The following MIR2052HG variants were observed in gnomAD, a reference collection of about 807,000 sequenced individuals.
The protein encoded by MIR2052HG is MIR2052 host gene.
intron 2 of MIR2052HG, among the ~76,000 whole-genome samples, chr8:74,657,384 T>G (rs1252367954): frequency 6.6e-6 from 1 of 152,166 alleles, no homozygotes; most frequent in Non-Finnish European, 1.5e-5. Context: ...TGACTCCTCA[T>G]TCCTCACACA....
At chr8:74,711,405 G>A (rs148316236) in intron 4 of MIR2052HG, among the ~76,000 whole-genome samples, 1 of 152,236 alleles carries the variant, frequency 6.6e-6, no homozygotes, top group Non-Finnish European at 1.5e-5. Flanking sequence ...TCATTTTACT[G>A]AATGAATGAA....
intron 4 of MIR2052HG, among the ~76,000 whole-genome samples, chr8:74,725,067 A>G (rs1369588747): frequency 6.6e-6 from 1 of 152,358 alleles, no homozygotes; most frequent in East Asian, 1.9e-4. Flanking sequence ...GTGCAAGAAC[A>G]AAAGAAGAAT....
intron 4 of MIR2052HG, among the ~76,000 whole-genome samples, chr8:74,747,529 A>T (rs1325258909): frequency 6.6e-6 from 1 of 152,140 alleles, no homozygotes; most frequent in Non-Finnish European, 1.5e-5. Context: ...ATACCAAAAA[A>T]CCTAAAAAGC....
At chr8:74,601,619 C>T (rs2128729925) in intron 1 of MIR2052HG, among the ~76,000 whole-genome samples, 1 of 152,198 alleles carries the variant, frequency 6.6e-6, no homozygotes, top group Admixed American at 6.5e-5. Flanking sequence ...ATAGTTAATT[C>T]CTAATATGTG....
chr8:74,637,544 C>A (rs182303812), intron 2 of MIR2052HG, among the ~76,000 whole-genome samples: 1 of 152,216 alleles, frequency 6.6e-6, no homozygotes, highest in Non-Finnish European at 1.5e-5. Context: ...GTCCTTAAGC[C>A]ATGTTTTAAC....
At chr8:74,626,115 G>T (rs1808432507) in intron 2 of MIR2052HG, among the ~76,000 whole-genome samples, 2 of 152,168 alleles carry the variant, frequency 1.3e-5, no homozygotes, top group Admixed American at 6.5e-5. Context: ...GACAACAGCT[G>T]TTGAAGTGGG....
At chr8:74,750,706 C>T (rs1809935625) in intron 4 of MIR2052HG, among the ~76,000 whole-genome samples, 1 of 152,120 alleles carries the variant, frequency 6.6e-6, no homozygotes. Flanking sequence ...TAACTCTTGC[C>T]TTATAACTTC....
chr8:74,648,732 G>T (rs112001737), intron 2 of MIR2052HG, among the ~76,000 whole-genome samples: 8 of 151,602 alleles, frequency 5.3e-5, no homozygotes, highest in Non-Finnish European at 1.0e-4. Context: ...CCCCCGATAC[G>T]TATTATTTTC....
At chr8:74,628,662 A>C (rs919034857) in intron 2 of MIR2052HG, 1 of 152,222 alleles carries the variant, frequency 6.6e-6, no homozygotes, top group East Asian at 1.9e-4. Context: ...GTGATGATCA[A>C]AGGTTACCAA....
intron 4 of MIR2052HG, among the ~76,000 whole-genome samples, chr8:74,752,014 C>T (rs1032578137): frequency 6.6e-6 from 1 of 151,994 alleles, no homozygotes; most frequent in Non-Finnish European, 1.5e-5. Context: ...TAGGCATAGT[C>T]ATACATCTGT....
chr8:74,741,684 C>T (rs1022074653), intron 4 of MIR2052HG, among the ~76,000 whole-genome samples: 22 of 152,150 alleles, frequency 1.4e-4, no homozygotes, highest in Admixed American at 7.9e-4. Flanking sequence ...TCACGGCCAA[C>T]AGCAGTAGGA....
chr8:74,608,230 TG>T (rs1447469090), intron 1 of MIR2052HG, among the ~76,000 whole-genome samples: 33 of 150,852 alleles, frequency 2.2e-4, no homozygotes, highest in Admixed American at 2.0e-3. Context: ...TAGATGAACT[TG>T]CCCTATAGGG....
At chr8:74,754,097 G>A (rs951914813) in intron 5 of MIR2052HG, among the ~76,000 whole-genome samples, 4 of 152,070 alleles carry the variant, frequency 2.6e-5, no homozygotes, top group Non-Finnish European at 5.9e-5. Context: ...GTTTCTATGC[G>A]CTGCATTTCC....
chr8:74,705,210 A>G (rs1213318214), intron 4 of MIR2052HG, among the ~76,000 whole-genome samples: 6 of 152,106 alleles, frequency 3.9e-5, no homozygotes, highest in Non-Finnish European at 4.4e-5. Context: ...GGACATGCCA[A>G]AAGTTTCATA....
chr8:74,606,459 A>G (rs1808113607), intron 1 of MIR2052HG, among the ~76,000 whole-genome samples: 1 of 152,268 alleles, frequency 6.6e-6, no homozygotes, highest in South Asian at 2.1e-4. Flanking sequence ...TAACATATGT[A>G]GAAATAAAAT....
chr8:74,642,416 G>A (rs1808648513), intron 2 of MIR2052HG, among the ~76,000 whole-genome samples: 3 of 152,042 alleles, frequency 2.0e-5, no homozygotes, highest in African/African-American at 7.2e-5. Flanking sequence ...GTTGAGTACT[G>A]AGTGCCAGGA....
At chr8:74,621,512 A>T (rs1195413353) in intron 2 of MIR2052HG, among the ~76,000 whole-genome samples, 1 of 152,188 alleles carries the variant, frequency 6.6e-6, no homozygotes, top group Non-Finnish European at 1.5e-5. Context: ...GCAGAAGGCA[A>T]AGGAGAAGCA....
At chr8:74,623,888 G>A (rs996908454) in intron 2 of MIR2052HG, among the ~76,000 whole-genome samples, 3 of 152,124 alleles carry the variant, frequency 2.0e-5, no homozygotes, top group African/African-American at 4.8e-5. Flanking sequence ...TCTTGTTAAA[G>A]GTTGCCAGGG....
chr8:74,724,687 G>C (rs1048107747), intron 4 of MIR2052HG, among the ~76,000 whole-genome samples: 2 of 152,098 alleles, frequency 1.3e-5, no homozygotes, highest in Admixed American at 6.6e-5. Flanking sequence ...TGACATTTTT[G>C]GTTCTAACAG....
Sources: gnomAD v4.1 joint callset for allele counts (sites outside exome capture counted in the v4.1 genomes callset) on GRCh38, gnomAD v4.1.1 for gene constraint, MANE v1.5 for transcripts, NCBI Gene and HGNC (gene_info 2026-07-23, HGNC 2026-07-21) for gene names.